MYO18B: variants seen among roughly 807,000 people sequenced by gnomAD.
MYO18B encodes myosin XVIIIB, also known as unconventional myosin-XVIIIb.
MYO18B carries 204 observed loss-of-function variants against 273.0 expected under a neutral mutation model. That is an observed-to-expected ratio of 0.75 (90% CI 0.67 to 0.84). MYO18B has a LOEUF of 0.84. Ranked by LOEUF, MYO18B falls within the 40% of genes least tolerant of loss-of-function variation. The pLI, the probability that MYO18B is intolerant of heterozygous loss-of-function variation, is 0.00. For missense variants in MYO18B, 3,212 were observed against 3,287.6 expected, an observed-to-expected ratio of 0.98 and a Z score of 0.56; for synonymous variants, 1,330 against 1,305.7, an observed-to-expected ratio of 1.02 and a Z score of -0.40.
rs1176552016 is a variant in MYO18B, at chr22:25,772,398, G to A, written c.1757G>A (p.Ser586Asn). 1.2e-6 allele frequency: 2 copies of A among 1,614,016 alleles called. No homozygotes were observed. The highest frequency in any genetic ancestry group is 2.2e-5 in the South Asian group (2 of 91,084). The change falls in exon 7 of 44, where the codon AGT (serine) becomes AAT (asparagine). Residue 586 changes from serine (S) to asparagine (N), a missense_variant. Physicochemically the swap from Ser to Asn is conservative, Grantham distance 46. Coordinates refer to ENST00000335473, the MANE Select transcript of MYO18B (RefSeq NM_032608.7). The stretch of plus-strand genomic sequence containing the variant: ...TCTCTCATCAGTGTCAACGAATCCA[G>A]TGTCCTGAACACGCTTCTGCAGCGC... ...LASLISVNES[S>N]VLNTLLQRYK...
chr22:25,972,402 A>C (rs2093045046), intron 39 of MYO18B, among the ~76,000 whole-genome samples: 1 of 152,188 alleles, frequency 6.6e-6, no homozygotes, highest in African/African-American at 2.4e-5. Context: ...AGGCCTGAGC[A>C]TGTTTTATAC....
At chr22:25,887,751 C>T (rs1367444664) in intron 25 of MYO18B, among the ~76,000 whole-genome samples, 2 of 152,096 alleles carry the variant, frequency 1.3e-5, no homozygotes, top group African/African-American at 4.8e-5. Flanking sequence ...TCAGGGGCAC[C>T]TTGTCTCTGA....
At chr22:26,061,171 G>A in the MYO18B span, among the ~76,000 whole-genome samples, 4 of 152,222 alleles carry the variant, frequency 2.6e-5, no homozygotes, top group Non-Finnish European at 5.9e-5. Flanking sequence ...CCAGCCAGGA[G>A]GTGGTAGGAG....
rs1348601891 is a variant in MYO18B, at chr22:25,763,271, C to G, written c.80C>G (p.Pro27Arg). The G allele has an allele frequency of 1.2e-6, 2 of 1,611,716 alleles. No individual in the cohort carries two copies. Among genetic ancestry groups the G allele is most frequent in the South Asian group, 1.1e-5 (1 of 90,886 alleles). Reference sequence around the variant, plus strand: ...AAGAGCCCTCCACCATCCTCGCCCCCTCCTCTTTTCTCTGTCATCCCAGGG... The same window carrying G: ...AAGAGCCCTCCACCATCCTCGCCCCGTCCTCTTTTCTCTGTCATCCCAGGG... ...EDKSPPPSSP[P>R]PLFSVIPGGF... The change falls in exon 3 of 44, where the codon CCT (proline) becomes CGT (arginine). Residue 27 changes from proline (P) to arginine (R), a missense_variant. Coordinates refer to ENST00000335473, the MANE Select transcript of MYO18B (RefSeq NM_032608.7).
intron 34 of MYO18B, among the ~76,000 whole-genome samples, chr22:25,934,008 T>A (rs1396933576): frequency 6.6e-6 from 1 of 152,248 alleles, no homozygotes; most frequent in East Asian, 1.9e-4. Flanking sequence ...GGTATTATTA[T>A]CAGTTGTTGG....
chr22:25,859,686 A>G (rs55734446), intron 21 of MYO18B, among the ~76,000 whole-genome samples: 1,853 of 149,524 alleles, frequency 0.012, 34 homozygotes, highest in African/African-American at 0.043. Flanking sequence ...GTGAAACTCT[A>G]TTTTTTTTGC....
intron 21 of MYO18B, among the ~76,000 whole-genome samples, chr22:25,866,784 CAAAAAAAAAAA>C (rs56260207): frequency 7.5e-5 from 3 of 40,168 alleles, no homozygotes; most frequent in African/African-American, 1.5e-4. Flanking sequence ...GACTCCGTCT[CAAAAAAAAAAA>C]AAAAAAAAAA....
intron 42 of MYO18B, among the ~76,000 whole-genome samples, chr22:26,022,464 G>A (rs1037577422): frequency 4.6e-5 from 7 of 152,146 alleles, no homozygotes; most frequent in African/African-American, 1.7e-4. Flanking sequence ...GAAAGAAGTG[G>A]ATGCAAGGAA....
chr22:26,056,922 T>C, the MYO18B span, among the ~76,000 whole-genome samples: 1 of 152,182 alleles, frequency 6.6e-6, no homozygotes, highest in Non-Finnish European at 1.5e-5. Flanking sequence ...AGTCGGTAAT[T>C]GGCCCGACAG....
intron 21 of MYO18B, among the ~76,000 whole-genome samples, chr22:25,861,221 T>C (rs1380619044): frequency 2.0e-5 from 3 of 152,164 alleles, no homozygotes; most frequent in Non-Finnish European, 4.4e-5. Flanking sequence ...CTGTAAATTA[T>C]TGAGAGTCAG....
At chr22:25,913,061 T>C (rs1048600414) in intron 33 of MYO18B, among the ~76,000 whole-genome samples, 4 of 152,250 alleles carry the variant, frequency 2.6e-5, no homozygotes, top group Non-Finnish European at 5.9e-5. Flanking sequence ...TAGTCTCGTA[T>C]CTGCCTCACT....
intron 21 of MYO18B, among the ~76,000 whole-genome samples, chr22:25,853,350 C>G (rs1473764720): frequency 6.6e-6 from 1 of 152,202 alleles, no homozygotes; most frequent in Non-Finnish European, 1.5e-5. Context: ...GCAGTGGGTA[C>G]CAGGGCACAG....
At chr22:25,988,729 G>C (rs1423955334) in intron 39 of MYO18B, among the ~76,000 whole-genome samples, 1 of 152,140 alleles carries the variant, frequency 6.6e-6, no homozygotes, top group African/African-American at 2.4e-5. Flanking sequence ...GAGAATTAAA[G>C]GATAGCTATG....
chr22:25,752,873 T>A (rs2085976996), intron 1 of MYO18B, among the ~76,000 whole-genome samples: 1 of 151,880 alleles, frequency 6.6e-6, no homozygotes, highest in African/African-American at 2.4e-5. Flanking sequence ...GAGTTCCGGG[T>A]GGTCGGAGGC....
chr22:25,990,648 C>T (rs971720557), intron 39 of MYO18B, among the ~76,000 whole-genome samples: 2 of 120,752 alleles, frequency 1.7e-5, no homozygotes, highest in East Asian at 2.7e-4. Context: ...GATCATGCCA[C>T]TGCACTCCAG....
In MYO18B at chr22:25,747,650, T is replaced by C. The variant is rs1226842634; in HGVS notation, c.-110+5357T>C. On this transcript the variant is annotated intron_variant, in intron 1 of 43. Coordinates refer to ENST00000335473, the MANE Select transcript of MYO18B (RefSeq NM_032608.7). ...TCTAATTTCTCATAGAAACACCCACTGCATGATTTAGCAATGGAGGCTGGC... is the reference window on the plus strand; with the variant it reads ...TCTAATTTCTCATAGAAACACCCACCGCATGATTTAGCAATGGAGGCTGGC... Among the ~76,000 whole-genome samples the C allele has an allele frequency of 5.9e-5, 9 of 152,072 alleles. No homozygotes were observed. The East Asian group carries it at 1.2e-3, about 20-fold the overall frequency.
chr22:25,797,915 G>C, intron 11 of MYO18B, 38 bp from the exon 12 acceptor site: 1 of 1,613,834 alleles, frequency 6.2e-7, no homozygotes, highest in African/African-American at 1.3e-5. Context: ...TCTCCATCGC[G>C]ATGGCCTTGT....
chr22:25,877,501 C>T (rs1008024957), intron 24 of MYO18B, among the ~76,000 whole-genome samples: 9 of 152,110 alleles, frequency 5.9e-5, no homozygotes, highest in African/African-American at 2.2e-4. Flanking sequence ...GAGTCTCGCT[C>T]TTGTTGCCCA....
intron 32 of MYO18B, 69 bp from the exon 33 acceptor site, chr22:25,910,877 C>T: frequency 7.8e-7 from 1 of 1,285,216 alleles, no homozygotes; most frequent in Non-Finnish European, 1.1e-6. Context: ...TCTGAGGGTC[C>T]TTGCCTTGTA....
Sources: allele counts gnomAD v4.1 joint callset (sites outside exome capture counted in the v4.1 genomes callset), GRCh38; gene constraint gnomAD v4.1.1; transcripts MANE v1.5; gene names NCBI Gene and HGNC (gene_info 2026-07-23, HGNC 2026-07-21).